The following KIF26B variants were observed in gnomAD, a reference collection of about 807,000 sequenced individuals.
KIF26B encodes the protein kinesin family member 26B.
KIF26B carries 63 observed loss-of-function variants against 151.2 expected under a neutral mutation model. The observed-to-expected ratio is 0.42, with a 90% CI of 0.34 to 0.51. The LOEUF is 0.51. KIF26B is among the 20% of genes least tolerant of loss of function. The probability of loss-of-function intolerance (pLI) is 0.07; values close to 1 mark genes in which losing one functional copy is unlikely to be tolerated. For synonymous variants in KIF26B, 1,357 were observed against 1,262.1 expected (o/e 1.08, Z -1.59); for missense variants, 2,813 against 2,913.6 (o/e 0.97, Z 0.79).
chr1:245,376,213 TA>T (rs543778131), intron 3 of KIF26B, among the ~76,000 whole-genome samples: 26 of 152,316 alleles, frequency 1.7e-4, no homozygotes, highest in Middle Eastern at 3.4e-3. Context: ...CAATAATTCT[TA>T]CCTCATCTGG....
intron 9 of KIF26B, among the ~76,000 whole-genome samples, chr1:245,644,096 G>GTA (rs58850424): frequency 0.11 from 16,901 of 152,056 alleles, 1,066 homozygotes; most frequent in African/African-American, 0.17. Flanking sequence ...ACCACACTCT[G>GTA]TCTTCTCCTT....
intron 2 of KIF26B, among the ~76,000 whole-genome samples, chr1:245,217,836 C>T (rs1234798244): frequency 2.0e-5 from 3 of 152,166 alleles, no homozygotes. Context: ...AGAACAGTCA[C>T]AGCTGCCAGC....
At chr1:245,442,737 A>G (rs1659139254) in intron 4 of KIF26B, among the ~76,000 whole-genome samples, 1 of 144,594 alleles carries the variant, frequency 6.9e-6, no homozygotes, top group African/African-American at 2.6e-5. Context: ...TAGAGCTGTC[A>G]TCTCCCTCAC....
chr1:245,603,884 A>C (rs780996297), intron 6 of KIF26B, among the ~76,000 whole-genome samples: 2 of 152,112 alleles, frequency 1.3e-5, no homozygotes, highest in African/African-American at 4.8e-5. Context: ...TTAATCTACT[A>C]TGAGCATAAT....
intron 2 of KIF26B, among the ~76,000 whole-genome samples, chr1:245,220,791 T>G (rs1373503557): frequency 6.7e-6 from 1 of 149,998 alleles, no homozygotes; most frequent in Non-Finnish European, 1.5e-5. Context: ...GTGTGGGTTT[T>G]GGGGGCTGGG....
intron 5 of KIF26B, among the ~76,000 whole-genome samples, chr1:245,590,587 A>G (rs951614333): frequency 6.6e-6 from 1 of 152,006 alleles, no homozygotes; most frequent in Admixed American, 6.6e-5. Flanking sequence ...AAGTTGGAAG[A>G]CCTTAGTGTA....
chr1:245,586,286 C>T (rs1160351132), intron 5 of KIF26B, among the ~76,000 whole-genome samples: 5 of 151,962 alleles, frequency 3.3e-5, no homozygotes, highest in African/African-American at 9.7e-5. Flanking sequence ...TCCCAAAGTG[C>T]TGGGATTGCA....
At chr1:245,384,911 T>C (rs540364531) in intron 3 of KIF26B, among the ~76,000 whole-genome samples, 15 of 152,358 alleles carry the variant, frequency 9.8e-5, no homozygotes, top group Non-Finnish European at 2.1e-4. Flanking sequence ...TCCTCAGCCT[T>C]AATTCACCTC....
intron 4 of KIF26B, among the ~76,000 whole-genome samples, chr1:245,430,137 C>T (rs1027151912): frequency 1.3e-5 from 2 of 152,018 alleles, no homozygotes; most frequent in African/African-American, 2.4e-5. Flanking sequence ...TGAATACCCT[C>T]GTGATCTGAA....
At chr1:245,653,361 T>G (rs989381122) in intron 10 of KIF26B, among the ~76,000 whole-genome samples, 1 of 152,200 alleles carries the variant, frequency 6.6e-6, no homozygotes, top group African/African-American at 2.4e-5. Context: ...CTAGTACTTA[T>G]TTCCTGGCAT....
chr1:245,315,083 G>A (rs1462771053), intron 2 of KIF26B, among the ~76,000 whole-genome samples: 1 of 152,142 alleles, frequency 6.6e-6, no homozygotes, highest in Middle Eastern at 3.2e-3. Flanking sequence ...GGGAGGCTGA[G>A]GCAGGAGAAT....
At chr1:245,669,567 C>T (rs145031852) in intron 10 of KIF26B, among the ~76,000 whole-genome samples, 78 of 152,194 alleles carry the variant, frequency 5.1e-4, no homozygotes, top group African/African-American at 1.7e-3. Flanking sequence ...CCAAGGAGCA[C>T]GTGAAAAGAT....
At chr1:245,372,285 C>T (rs1003614844) in intron 3 of KIF26B, among the ~76,000 whole-genome samples, 8 of 152,140 alleles carry the variant, frequency 5.3e-5, no homozygotes, top group East Asian at 1.9e-4. Context: ...ATCCCATCTC[C>T]GCGCCCTATT....
intron 2 of KIF26B, among the ~76,000 whole-genome samples, chr1:245,232,946 A>G (rs548648566): frequency 1.3e-5 from 2 of 152,240 alleles, no homozygotes; most frequent in African/African-American, 4.8e-5. Context: ...TCAGAATTCT[A>G]CTCAACGTAG....
At chr1:245,502,179 C>T (rs958901435) in intron 4 of KIF26B, among the ~76,000 whole-genome samples, 1 of 152,148 alleles carries the variant, frequency 6.6e-6, no homozygotes, top group African/African-American at 2.4e-5. Context: ...TCAAACATTA[C>T]ATACTTTGTT....
At chr1:245,634,863 C>A (rs1297287254) in intron 9 of KIF26B, among the ~76,000 whole-genome samples, 1 of 151,970 alleles carries the variant, frequency 6.6e-6, no homozygotes, top group Non-Finnish European at 1.5e-5. Flanking sequence ...ACAGTGTGCA[C>A]CACTGTGCCC....
intron 2 of KIF26B, among the ~76,000 whole-genome samples, chr1:245,322,105 A>G (rs758637445): frequency 2.0e-5 from 3 of 152,166 alleles, no homozygotes; most frequent in Non-Finnish European, 4.4e-5. Flanking sequence ...ATCATTCTCA[A>G]CAAACTAACA....
intron 10 of KIF26B, among the ~76,000 whole-genome samples, chr1:245,676,638 C>G (rs1205329789): frequency 6.6e-6 from 1 of 152,198 alleles, no homozygotes. Context: ...CCAATAGATT[C>G]ATGTGGCCCA....
At chr1:245,213,202 GC>G (rs1427125992) in intron 2 of KIF26B, among the ~76,000 whole-genome samples, 3 of 152,180 alleles carry the variant, frequency 2.0e-5, no homozygotes, top group Non-Finnish European at 2.9e-5. Flanking sequence ...CCCTAAGGGG[GC>G]TTGGTTACCA....
Sources: allele counts gnomAD v4.1 joint callset (sites outside exome capture counted in the v4.1 genomes callset), GRCh38; gene constraint gnomAD v4.1.1; transcripts MANE v1.5; gene names NCBI Gene and HGNC (gene_info 2026-07-23, HGNC 2026-07-21).